The following EVL variants were observed in gnomAD, a reference collection of about 807,000 sequenced individuals.
The protein encoded by EVL is Enah/Vasp-like.
Under a neutral mutation model 59.6 loss-of-function variants are expected in EVL, and 21 were observed. The observed-to-expected ratio is 0.35, with a 90% CI of 0.25 to 0.51. EVL has a LOEUF of 0.51. Among genes scored for constraint, EVL ranks in the 20% least tolerant of loss-of-function variants. The pLI is 0.97. For synonymous variants in EVL, 198 were observed against 203.5 expected, an observed-to-expected ratio of 0.97 and a Z score of 0.23; for missense variants, 462 against 546.6, an observed-to-expected ratio of 0.85 and a Z score of 1.54.
At chr14:100,055,277 G>C (rs1368519981) in intron 1 of EVL, among the ~76,000 whole-genome samples, 2 of 150,756 alleles carry the variant, frequency 1.3e-5, no homozygotes, top group Non-Finnish European at 2.9e-5. Flanking sequence ...CATATAATAT[G>C]TGGCCTTTCG....
intron 1 of EVL, among the ~76,000 whole-genome samples, chr14:100,079,389 T>G (rs2140293801): frequency 6.6e-6 from 1 of 152,330 alleles, no homozygotes; most frequent in Non-Finnish European, 1.5e-5. Flanking sequence ...ATTATTCATG[T>G]CTACAGCATA....
chr14:100,138,653 T>G (rs977531745), intron 11 of EVL: 2 of 152,640 alleles, frequency 1.3e-5, no homozygotes, highest in Non-Finnish European at 2.9e-5. Context: ...TGTCCAAGGC[T>G]TGTGGTCAGC....
At chr14:99,990,187 C>T (rs2060866269) in intron 1 of EVL, among the ~76,000 whole-genome samples, 1 of 152,162 alleles carries the variant, frequency 6.6e-6, no homozygotes, top group African/African-American at 2.4e-5. Flanking sequence ...CACAAATATT[C>T]TTAATGACAT....
Position 100,078,868 on chromosome 14 carries a change from G to A in EVL, c.12-5819G>A, listed in dbSNP as rs189926103. 2.6e-5 allele frequency among the ~76,000 whole-genome samples: 4 copies of A among 152,296 alleles called. No individual in the cohort carries two copies. In the East Asian group the frequency reaches 7.7e-4, roughly 29 times the overall value. ...CAGTCCTACTGGGAAGAAAAAATTG[G>A]CCCTCAAGACAGAGTATGAAGAGTT... is the stretch of plus-strand genomic sequence containing the variant. On this transcript the variant is annotated intron_variant, in intron 1 of 13. Coordinates refer to ENST00000392920, the MANE Select transcript of EVL (RefSeq NM_016337.3).
At chr14:100,128,789 G>A in intron 6 of EVL, 41 bp downstream of exon 6, 1 of 1,547,936 alleles carries the variant, frequency 6.5e-7, no homozygotes, top group Middle Eastern at 1.7e-4. Flanking sequence ...GGACCGAGGG[G>A]ACCCTTGTGC....
chr14:100,041,379 A>G (rs1239359288), intron 1 of EVL, among the ~76,000 whole-genome samples: 1 of 152,210 alleles, frequency 6.6e-6, no homozygotes, highest in African/African-American at 2.4e-5. Flanking sequence ...AGATAATTAA[A>G]TGATACAATG....
At position 100,109,854 on chromosome 14, in the gene EVL, C is replaced by T; in HGVS notation, c.358+12196C>T. On this transcript the variant is annotated intron_variant, in intron 3 of 13. Transcript: ENST00000392920. This position sits in a 1 kb window ranked among gnomAD's most constrained non-coding sequence, Gnocchi z 4.3. Reference sequence around the variant, plus strand: ...GGTGTGCATACTGTGGAAGGAACTTCGGACGTGAACTCGGATCTGGTTCCA... The same window carrying T: ...GGTGTGCATACTGTGGAAGGAACTTTGGACGTGAACTCGGATCTGGTTCCA... The T allele has an allele frequency of 5.1e-6, 2 of 394,708 alleles. No homozygotes were observed. The highest frequency in any genetic ancestry group is 3.7e-5 in the South Asian group (2 of 53,648). The allele number at this position is 394,708 out of a possible 1,614,324, so 24.5% of individuals were successfully genotyped here.
At chr14:100,080,934 A>G (rs929517032) in intron 1 of EVL, among the ~76,000 whole-genome samples, 1 of 152,252 alleles carries the variant, frequency 6.6e-6, no homozygotes, top group African/African-American at 2.4e-5. Flanking sequence ...TAAAAAGTTC[A>G]TTCATTTATT....
At position 100,143,729 on chromosome 14, in the gene EVL, C is replaced by T. The variant is rs1595269414; in HGVS notation, c.1248C>T (p.Ser416=). The change falls in exon 14 of 14, where the codon AGC becomes AGT. Residue 416 remains serine (S), a synonymous_variant. Transcript: ENST00000392920. ...DAIRQELSGI[S]TT Reference sequence around the variant, plus strand: ...TCAGGCAGGAGCTGAGTGGGATCAGCACCACGTAAGGGGCCGGCCTCGCTG... The same window carrying T: ...TCAGGCAGGAGCTGAGTGGGATCAGTACCACGTAAGGGGCCGGCCTCGCTG... 1 of 1,612,470 alleles carries T rather than the reference C, an allele frequency of 6.2e-7. No homozygotes were observed. The highest frequency in any genetic ancestry group is 1.1e-5 in the South Asian group (1 of 91,070).
At chr14:100,082,579 A>G (rs2062336480) in intron 1 of EVL, among the ~76,000 whole-genome samples, 1 of 152,216 alleles carries the variant, frequency 6.6e-6, no homozygotes, top group Non-Finnish European at 1.5e-5. Context: ...TAGTAAGTTA[A>G]GTTTCCCATC....
At chr14:100,050,938 G>A (rs1031826781) in intron 1 of EVL, among the ~76,000 whole-genome samples, 1 of 150,372 alleles carries the variant, frequency 6.7e-6, no homozygotes, top group African/African-American at 2.4e-5. Flanking sequence ...TAAGAGATGG[G>A]GGTCTTACTG....
chr14:100,018,945 A>G (rs1228125822), intron 1 of EVL, among the ~76,000 whole-genome samples: 2 of 152,202 alleles, frequency 1.3e-5, no homozygotes, highest in Non-Finnish European at 2.9e-5. Context: ...GGAATTGGTG[A>G]GAACCGGGTA....
chr14:100,014,317 T>C (rs1334622854), intron 1 of EVL, among the ~76,000 whole-genome samples: 1 of 152,226 alleles, frequency 6.6e-6, no homozygotes, highest in Non-Finnish European at 1.5e-5. Flanking sequence ...AATTTTTAGC[T>C]CTCATTCTTC....
At chr14:100,000,340 C>CTTTTTTT (rs60864913) in intron 1 of EVL, among the ~76,000 whole-genome samples, 9 of 99,842 alleles carry the variant, frequency 9.0e-5, no homozygotes, top group Non-Finnish European at 1.4e-4. Flanking sequence ...CTGTTGCATT[C>CTTTTTTT]TTTTTTTTTT....
intron 1 of EVL, among the ~76,000 whole-genome samples, chr14:100,077,834 G>A (rs796459581): frequency 6.6e-5 from 10 of 152,196 alleles, no homozygotes; most frequent in African/African-American, 1.7e-4. Context: ...GTGCAATGGC[G>A]CAATCTCGGC....
At chr14:100,142,951 C>T (rs563229543) in intron 13 of EVL, among the ~76,000 whole-genome samples, 22 of 152,190 alleles carry the variant, frequency 1.4e-4, no homozygotes, top group Non-Finnish European at 2.5e-4. Flanking sequence ...TAGGCATGGG[C>T]CATACCAGGG....
rs561242621 is a variant in EVL, at chr14:100,123,577, C to G, written c.397C>G (p.Pro133Ala). The G allele has an allele frequency of 6.2e-7, 1 of 1,614,020 alleles. No individual in the cohort carries two copies. Residue 133 changes from proline (P) to alanine (A), a missense_variant, in exon 4 of 14, where the codon CCT becomes GCT. Physicochemically the swap from Pro to Ala is conservative, Grantham distance 27 (BLOSUM62 -1). Transcript: ENST00000392920. ...GCGTCAGGTGCAGAATGGCCCCTCT[C>G]CTGATGAGATGGACATCCAGAGAAG... ...SQRQVQNGPS[P>A]DEMDIQRRQV...
intron 3 of EVL, among the ~76,000 whole-genome samples, chr14:100,112,053 T>G (rs909770400): frequency 1.3e-5 from 2 of 152,266 alleles, no homozygotes; most frequent in African/African-American, 4.8e-5. Context: ...AAGAATTCAT[T>G]CACAGCTGTT....
intron 1 of EVL, chr14:100,074,721 G>C (rs1420852111): frequency 1.3e-5 from 2 of 152,454 alleles, no homozygotes; most frequent in Non-Finnish European, 2.9e-5. Context: ...CTCTCTCTCT[G>C]TCTGCCCCTC....
Sources: gnomAD v4.1 joint callset for allele counts (sites outside exome capture counted in the v4.1 genomes callset) on GRCh38, gnomAD v4.1.1 for gene constraint, Gnocchi (gnomAD v3.1) non-coding constraint, MANE v1.5 for transcripts, NCBI Gene and HGNC (gene_info 2026-07-23, HGNC 2026-07-21) for gene names.